Variants in PLPPR1 observed in about 807,000 individuals in gnomAD.
PLPPR1 encodes phospholipid phosphatase related 1.
In PLPPR1, 10 loss-of-function variants were observed where a neutral mutation model predicts 33.1. The observed-to-expected ratio is 0.30, with a 90% confidence interval of 0.19 to 0.51. PLPPR1 has a LOEUF of 0.51. PLPPR1 is among the 20% of genes least tolerant of loss of function. The probability of loss-of-function intolerance (pLI) is 0.97; values close to 1 mark genes in which losing one functional copy is unlikely to be tolerated. For synonymous variants in PLPPR1, 151 were observed against 151.0 expected, an observed-to-expected ratio of 1.00 and a Z score of 0.00; for missense variants, 304 against 408.1, an observed-to-expected ratio of 0.74 and a Z score of 2.20.
At chr9:101,267,758 T>G (rs1588103514) in intron 2 of PLPPR1, among the ~76,000 whole-genome samples, 2 of 151,248 alleles carry the variant, frequency 1.3e-5, no homozygotes, top group East Asian at 3.8e-4. Context: ...TCCTAGCACT[T>G]TGGAAGGCCG....
At position 101,324,236 on chromosome 9, in the gene PLPPR1, T is replaced by C. The variant is rs1300368239; in HGVS notation, c.*179T>C. ...GTAGCTTGCCCTGATTTTTTTTTTT[T>C]TTTTTTGGTCAGCTTTAATATATTT... On this transcript the variant is annotated 3_prime_UTR_variant, in exon 8 of 8. Transcript: ENST00000374874. 8 of 482,766 alleles carry C rather than the reference T, an allele frequency of 1.7e-5. No individual in the cohort carries two copies. 29.9% of individuals were successfully genotyped at this position (482,766 alleles called of 1,614,324 possible). A position where few individuals can be genotyped will look rare whatever the true frequency, so the allele number is the denominator to read the frequency against.
intron 1 of PLPPR1, among the ~76,000 whole-genome samples, chr9:101,030,289 G>A (rs1408222688): frequency 6.6e-6 from 1 of 151,378 alleles, no homozygotes; most frequent in East Asian, 2.0e-4. Flanking sequence ...TGGTCACTTA[G>A]GAGAGGTGTG....
At chr9:101,269,232 A>G (rs1165576295) in intron 2 of PLPPR1, among the ~76,000 whole-genome samples, 1 of 151,902 alleles carries the variant, frequency 6.6e-6, no homozygotes, top group Non-Finnish European at 1.5e-5. Context: ...CGAAGGCTAT[A>G]TTTCTATAAT....
Position 101,028,748 on chromosome 9 carries a change from A to G in PLPPR1, c.-400A>G, listed in dbSNP as rs1829897512. 1 of 152,250 alleles carries G rather than the reference A, an allele frequency of 6.6e-6. No homozygotes were observed. The highest frequency in any genetic ancestry group is 1.5e-5 in the Non-Finnish European group (1 of 68,208). The allele number at this position is 152,250 out of a possible 1,614,324, so 9.4% of individuals were successfully genotyped here. Reference sequence around the variant, plus strand: ...CGCCAGCCTTTTGCTCTTTCCTTTCATTAAACAAACAGGAGATCCTGAAAC... The same window carrying G: ...CGCCAGCCTTTTGCTCTTTCCTTTCGTTAAACAAACAGGAGATCCTGAAAC... On this transcript the variant is annotated 5_prime_UTR_variant, in exon 1 of 8. Coordinates refer to ENST00000374874, the MANE Select transcript of PLPPR1 (RefSeq NM_207299.2).
chr9:101,258,162 C>T (rs188516618), intron 2 of PLPPR1, among the ~76,000 whole-genome samples: 3 of 152,190 alleles, frequency 2.0e-5, no homozygotes, highest in Admixed American at 6.5e-5. Flanking sequence ...CTTAAAATTC[C>T]GAAGGCCATA....
At chr9:101,310,771 T>C (rs535657907) in intron 5 of PLPPR1, among the ~76,000 whole-genome samples, 2 of 152,322 alleles carry the variant, frequency 1.3e-5, no homozygotes, top group African/African-American at 2.4e-5. Flanking sequence ...TTGTGTCCCA[T>C]TTACAGGATC....
At chr9:101,046,833 T>TA (rs1431894472) in intron 1 of PLPPR1, among the ~76,000 whole-genome samples, 1 of 152,180 alleles carries the variant, frequency 6.6e-6, no homozygotes, top group Admixed American at 6.5e-5. Context: ...TTCTTGCTGT[T>TA]ATGAATTTCA....
chr9:101,298,221 A>G (rs1408253197), intron 4 of PLPPR1, among the ~76,000 whole-genome samples: 1 of 152,192 alleles, frequency 6.6e-6, no homozygotes, highest in East Asian at 1.9e-4. Flanking sequence ...TCTTCATTAT[A>G]GTCTTTTCAT....
intron 1 of PLPPR1, among the ~76,000 whole-genome samples, chr9:101,048,116 A>G (rs1830175858): frequency 6.6e-6 from 1 of 152,200 alleles, no homozygotes; most frequent in Admixed American, 6.5e-5. Context: ...CTCAGGTACC[A>G]TTTGGCCCAA....
chr9:101,089,093 T>C (rs1031024133), intron 1 of PLPPR1, among the ~76,000 whole-genome samples: 7 of 152,150 alleles, frequency 4.6e-5, no homozygotes, highest in Non-Finnish European at 1.0e-4. Context: ...GACTGGCGTA[T>C]AATAGTGGGT....
At chr9:101,212,670 G>T (rs2118769995) in intron 2 of PLPPR1, among the ~76,000 whole-genome samples, 1 of 152,294 alleles carries the variant, frequency 6.6e-6, no homozygotes, top group East Asian at 1.9e-4. Context: ...AACAGGTATT[G>T]TCAGATGTAT....
At chr9:101,188,525 T>G (rs2118723184) in intron 2 of PLPPR1, among the ~76,000 whole-genome samples, 1 of 152,192 alleles carries the variant, frequency 6.6e-6, no homozygotes, top group South Asian at 2.1e-4. Flanking sequence ...GGTTAAGAAC[T>G]CCCCTGTAAC....
chr9:101,068,472 T>G (rs1470613447), intron 1 of PLPPR1, among the ~76,000 whole-genome samples: 1 of 151,906 alleles, frequency 6.6e-6, no homozygotes, highest in Non-Finnish European at 1.5e-5. Flanking sequence ...ATTTTCAATA[T>G]TTTTTTTCTC....
chr9:101,066,045 C>T (rs1830409050), intron 1 of PLPPR1, among the ~76,000 whole-genome samples: 1 of 152,038 alleles, frequency 6.6e-6, no homozygotes, highest in African/African-American at 2.4e-5. Context: ...GGATCCCACT[C>T]AGGATACCAC....
intron 2 of PLPPR1, among the ~76,000 whole-genome samples, chr9:101,206,706 G>C (rs1031890955): frequency 4.6e-5 from 7 of 152,114 alleles, no homozygotes; most frequent in Non-Finnish European, 7.4e-5. Flanking sequence ...AGGTTTTCCT[G>C]TTCATCTGTT....
chr9:101,306,723 C>G (rs146520006), intron 4 of PLPPR1, among the ~76,000 whole-genome samples: 243 of 152,240 alleles, frequency 1.6e-3, no homozygotes, highest in Middle Eastern at 0.014. Context: ...TGAAAAATAT[C>G]TATTAAAAAA....
chr9:101,132,380 A>G (rs1038842614), intron 1 of PLPPR1, among the ~76,000 whole-genome samples: 4 of 152,204 alleles, frequency 2.6e-5, no homozygotes, highest in South Asian at 2.1e-4. Flanking sequence ...ATTAAAGTGC[A>G]TATTACTAAG....
chr9:101,238,072 GTGTA>G (rs2118838621), intron 2 of PLPPR1, among the ~76,000 whole-genome samples: 1 of 136,010 alleles, frequency 7.4e-6, no homozygotes, highest in African/African-American at 2.7e-5. Context: ...ATACGTGTGT[GTGTA>G]TATATATACA....
At chr9:101,179,280 A>C (rs1051565899) in intron 1 of PLPPR1, among the ~76,000 whole-genome samples, 3 of 152,114 alleles carry the variant, frequency 2.0e-5, no homozygotes, top group Non-Finnish European at 2.9e-5. Flanking sequence ...TTTGGGTCAC[A>C]CCATCAGGAA....
Sources: allele counts gnomAD v4.1 joint callset (sites outside exome capture counted in the v4.1 genomes callset), GRCh38; gene constraint gnomAD v4.1.1; transcripts MANE v1.5; gene names NCBI Gene and HGNC (gene_info 2026-07-23, HGNC 2026-07-21).